ACSBG1: variants seen among roughly 807,000 people sequenced by gnomAD.
ACSBG1 encodes the protein acyl-CoA synthetase bubblegum family member 1.
ACSBG1 carries 39 observed loss-of-function variants against 80.2 expected under a neutral mutation model. That is an observed-to-expected ratio of 0.49 (90% CI 0.38 to 0.64). The LOEUF is 0.64. Among genes scored for constraint, ACSBG1 ranks in the 30% least tolerant of loss-of-function variants. The pLI, the probability that ACSBG1 is intolerant of heterozygous loss-of-function variation, is 0.00. For missense variants in ACSBG1, 828 were observed against 966.4 expected (o/e 0.86, Z 1.90); for synonymous variants, 392 against 379.5 (o/e 1.03, Z -0.38).
intron 1 of ACSBG1, among the ~76,000 whole-genome samples, chr15:78,228,919 A>AC (rs372511640): frequency 1.6e-3 from 236 of 152,154 alleles, no homozygotes; most frequent in African/African-American, 5.5e-3. Context: ...GCCTGCACCA[A>AC]CCCTCAAGAC....
In ACSBG1 at chr15:78,194,227, C is replaced by T. The variant is rs551249002; in HGVS notation, c.454-207G>A. ...CCAGGGCCTTCCCAGCGAGTCTGTC[C>T]GGCCCCTCAGCCCAGCACACTGGGC... On this transcript the variant is annotated intron_variant, in intron 3 of 13. Transcript: ENST00000258873. Among the ~76,000 whole-genome samples the T allele has an allele frequency of 7.2e-5, 11 of 152,350 alleles. No homozygotes were observed. In the East Asian group the frequency reaches 1.2e-3, roughly 16 times the overall value.
intron 11 of ACSBG1, among the ~76,000 whole-genome samples, chr15:78,176,244 CCT>C (rs922347477): frequency 1.3e-5 from 2 of 152,014 alleles, no homozygotes; most frequent in African/African-American, 2.4e-5. Flanking sequence ...ATGCTTCTCC[CCT>C]GAGATCAGGA....
At position 78,167,883 on chromosome 15, in the gene ACSBG1, GTTTTTAACA is replaced by G. The variant is rs2074765351; in HGVS notation, c.*3552_*3560del. 1 of 152,136 alleles carries G rather than the reference GTTTTTAACA, an allele frequency of 6.6e-6. No individual in the cohort carries two copies. Among genetic ancestry groups the G allele is most frequent in the South Asian group, 2.1e-4 (1 of 4,832 alleles). The allele number at this position is 152,136 out of a possible 1,614,324, so 9.4% of individuals were successfully genotyped here. The stretch of plus-strand genomic sequence containing the variant: ...GCCAAAATACAAGAAATTCAGGCTT[GTTTTTAACA>G]GCCTGATAGTCACATTGGAGGTCAT... On this transcript the variant is annotated 3_prime_UTR_variant, in exon 14 of 14. Transcript: ENST00000258873.
chr15:78,173,892 C>G (rs2074855114), intron 12 of ACSBG1, 53 bp from the exon 13 acceptor site: 5 of 1,580,120 alleles, frequency 3.2e-6, no homozygotes, highest in East Asian at 2.2e-5. Context: ...AAGACGTAAG[C>G]CCTGGTCCTG....
rs1228195428 is a variant in ACSBG1, at chr15:78,193,965, C to A, written c.509G>T (p.Trp170Leu). The A allele has an allele frequency of 1.2e-6, 2 of 1,614,036 alleles. No individual in the cohort carries two copies. Among genetic ancestry groups the A allele is most frequent in the Non-Finnish European group, 1.7e-6 (2 of 1,180,006 alleles). ...TACTGTGCCCACTGCCGAGAAGAAC[C>A]ACTCCGGGGAGTTGAAGCCGAGGAT... ...VAILGFNSPE[W>L]FFSAVGTVFA... Residue 170 changes from tryptophan to leucine, a missense_variant, in exon 4 of 14, where the codon TGG becomes TTG. Around this residue, in one of 3 missense-constraint regions of ACSBG1, gnomAD observed 356 missense variants for 363.5 expected, o/e 0.98. Transcript: ENST00000258873.
chr15:78,227,865 G>A (rs948978189), intron 1 of ACSBG1, among the ~76,000 whole-genome samples: 1 of 152,208 alleles, frequency 6.6e-6, no homozygotes, highest in African/African-American at 2.4e-5. Flanking sequence ...ACATTTCGAT[G>A]AGTGCAAGGA....
Position 78,171,521 on chromosome 15 carries a change from T to C in ACSBG1, c.2098A>G (p.Met700Val), listed in dbSNP as rs1818537989. ...SISGGELGPT[M>V]KLKRLTVLEK... ...AAAACTGTGAGCCGTTTCAGTTTCA[T>C]CGTGGGACCTAAAAGGGAAATGAGA... Residue 700 changes from methionine to valine, a missense_variant, in exon 14 of 14, where the codon ATG becomes GTG. By Grantham distance (21) the Met-to-Val change is conservative (BLOSUM62 1). Around this residue, in one of 3 missense-constraint regions of ACSBG1, gnomAD observed 201 missense variants for 227.0 expected, o/e 0.89. Coordinates refer to ENST00000258873, the MANE Select transcript of ACSBG1 (RefSeq NM_015162.5). 1 of 1,613,970 alleles carries C rather than the reference T, an allele frequency of 6.2e-7. No homozygotes were observed. Among genetic ancestry groups the C allele is most frequent in the South Asian group, 1.1e-5 (1 of 91,080 alleles).
chr15:78,198,005 G>A (rs1176314333), intron 2 of ACSBG1, among the ~76,000 whole-genome samples: 2 of 152,104 alleles, frequency 1.3e-5, no homozygotes, highest in Non-Finnish European at 2.9e-5. Context: ...CAAGCCAAAC[G>A]TTTTAACTTG....
At chr15:78,212,608 G>T (rs1271693275) in intron 1 of ACSBG1, 1 of 455,892 alleles carries the variant, frequency 2.2e-6, no homozygotes, top group African/African-American at 2.0e-5. Context: ...TGGTGCCTGG[G>T]GGGTGGCTGC....
chr15:78,230,539 G>A (rs533305362), intron 1 of ACSBG1, among the ~76,000 whole-genome samples: 50 of 152,328 alleles, frequency 3.3e-4, no homozygotes, highest in African/African-American at 1.2e-3. Flanking sequence ...GACTGAGATA[G>A]AGCCCTTCTG....
chr15:78,173,740 C>T lies in ACSBG1; in HGVS notation c.1942G>A (p.Glu648Lys), dbSNP rs1046002792. 1.9e-6 allele frequency: 3 copies of T among 1,614,194 alleles called. No individual in the cohort carries two copies. Among genetic ancestry groups the T allele is most frequent in the Admixed American group, 1.7e-5 (1 of 60,024 alleles). ...GCCTCATCCTTCTTCTCTATGATCTCGGACACTGTGGTGGCTCTGCTGCCC... is the reference window on the plus strand; with the variant it reads ...GCCTCATCCTTCTTCTCTATGATCTTGGACACTGTGGTGGCTCTGCTGCCC... Reference protein sequence around the residue: ...RVGSRATTVSEIIEKKDEAVY... With the variant: ...RVGSRATTVSKIIEKKDEAVY... Residue 648 changes from glutamate (E) to lysine (K), a missense_variant, in exon 13 of 14, where the codon GAG becomes AAG. Glu to Lys is a moderately conservative substitution (Grantham distance 56). Around this residue, in one of 3 missense-constraint regions of ACSBG1, gnomAD observed 201 missense variants for 227.0 expected, o/e 0.89. Coordinates refer to ENST00000258873, the MANE Select transcript of ACSBG1 (RefSeq NM_015162.5).
chr15:78,174,477 C>G lies in ACSBG1; in HGVS notation c.1750G>C (p.Glu584Gln). The G allele has an allele frequency of 6.2e-7, 1 of 1,614,158 alleles. No individual in the cohort carries two copies. Among genetic ancestry groups the G allele is most frequent in the Non-Finnish European group, 8.5e-7 (1 of 1,180,030 alleles). The change falls in exon 12 of 14, where the codon GAG (glutamate) becomes CAG (glutamine). Residue 584 changes from glutamate (E) to glutamine (Q), a missense_variant. Physicochemically the swap from Glu to Gln is conservative, Grantham distance 29. Transcript: ENST00000258873. ...GGENVPPVPI[E>Q]EAVKMELPII... The stretch of plus-strand genomic sequence containing the variant: ...GGCAGCTCCATCTTCACGGCCTCCT[C>G]GATGGGCACAGGGGGCACATTCTCC...
chr15:78,186,863 CAA>C (rs2075009620), intron 5 of ACSBG1, among the ~76,000 whole-genome samples: 2 of 152,054 alleles, frequency 1.3e-5, no homozygotes, highest in South Asian at 4.2e-4. Flanking sequence ...AAAAACCCTT[CAA>C]AAAATTAATG....
chr15:78,226,785 A>AATATATATATATATAATATATATAAT (rs1567101479), intron 1 of ACSBG1, among the ~76,000 whole-genome samples: 3 of 78,448 alleles, frequency 3.8e-5, no homozygotes, highest in African/African-American at 9.7e-5. Context: ...CACATAGAAA[A>AATATATATATATATAATATATATAAT]ATATATATAT....
At chr15:78,207,926 C>CCCCCCCCCCCACCCCCA in intron 2 of ACSBG1, 76 bp downstream of exon 2, 3 of 662,148 alleles carry the variant, frequency 4.5e-6, no homozygotes, top group Non-Finnish European at 8.0e-6. Context: ...GTCCCCCACA[C>CCCCCCCCCCCACCCCCA]CACCCACCCC....
chr15:78,200,669 A>T (rs1022371146), intron 2 of ACSBG1, among the ~76,000 whole-genome samples: 1 of 152,096 alleles, frequency 6.6e-6, no homozygotes, highest in Non-Finnish European at 1.5e-5. Context: ...CCCCGGCACC[A>T]CATCTCCCAT....
chr15:78,203,684 C>T (rs576521308), intron 2 of ACSBG1, among the ~76,000 whole-genome samples: 219 of 152,306 alleles, frequency 1.4e-3, no homozygotes, highest in African/African-American at 4.9e-3. Context: ...CTCAATTAGC[C>T]GGGAAGGAAA....
chr15:78,190,111 G>T (rs973763713), intron 5 of ACSBG1, among the ~76,000 whole-genome samples: 1 of 152,008 alleles, frequency 6.6e-6, no homozygotes, highest in Non-Finnish European at 1.5e-5. Flanking sequence ...AATTTTCTCT[G>T]AAAGATACTC....
intron 2 of ACSBG1, among the ~76,000 whole-genome samples, chr15:78,196,309 C>A (rs1442415304): frequency 6.6e-6 from 1 of 152,238 alleles, no homozygotes; most frequent in African/African-American, 2.4e-5. Flanking sequence ...CGCTGATCTG[C>A]CTCTTCAGAG....
Sources: allele counts gnomAD v4.1 joint callset (sites outside exome capture counted in the v4.1 genomes callset), GRCh38; gene constraint gnomAD v4.1.1; regional missense constraint gnomAD v4.1.1; transcripts MANE v1.5; gene names NCBI Gene and HGNC (gene_info 2026-07-23, HGNC 2026-07-21).